The following ROBO2 variants were observed in gnomAD, a reference collection of about 807,000 sequenced individuals.
The protein encoded by ROBO2 is roundabout guidance receptor 2, also known as roundabout homolog 2.
Under a neutral mutation model 160.8 loss-of-function variants are expected in ROBO2, and 53 were observed. The observed-to-expected ratio is 0.33, with a 90% CI of 0.26 to 0.41. The LOEUF (loss-of-function observed/expected upper bound fraction) is 0.41. Ranked by LOEUF, ROBO2 falls within the 10% of genes least tolerant of loss-of-function variation. The pLI is 1.00. For synonymous variants in ROBO2, 664 were observed against 611.7 expected (o/e 1.09, Z -1.26); for missense variants, 1,577 against 1,722.4 (o/e 0.92, Z 1.49).
intron 2 of ROBO2, among the ~76,000 whole-genome samples, chr3:76,166,690 C>T (rs2072852350): frequency 6.6e-6 from 1 of 151,976 alleles, no homozygotes; most frequent in South Asian, 2.1e-4. Context: ...AAAAAAATCC[C>T]AGCATAATAT....
chr3:76,478,680 GTTTT>G (rs1042265916), intron 2 of ROBO2, among the ~76,000 whole-genome samples: 1 of 120,920 alleles, frequency 8.3e-6, no homozygotes, highest in Non-Finnish European at 1.7e-5. Context: ...TTTTTTCTCT[GTTTT>G]TTTTTTTTTT....
At chr3:76,089,897 A>G (rs746678339) in intron 2 of ROBO2, among the ~76,000 whole-genome samples, 3 of 152,188 alleles carry the variant, frequency 2.0e-5, no homozygotes, top group Non-Finnish European at 4.4e-5. Flanking sequence ...CCTTGTTTGC[A>G]GATGACATGA....
rs1417624157 is a variant in ROBO2 at position 77,261,254 on chromosome 3, TGG to T, written c.388+162917_388+162918del. Among the ~76,000 whole-genome samples the T allele has an allele frequency of 8.5e-4, 129 of 152,218 alleles. 2 individuals are homozygous for T. The highest frequency in any genetic ancestry group is 6.8e-3 in the Middle Eastern group (2 of 294). On this transcript the variant is annotated intron_variant, in intron 2 of 25. Transcript: ENST00000461745. The stretch of plus-strand genomic sequence containing the variant: ...TGGACCAAAATGGCAAATGTGTGCC[TGG>T]GGAAGCCACAGGAGGCTCCCAGAAG...
chr3:77,583,176 G>GAAAAAAAAA (rs2093963899), intron 16 of ROBO2, among the ~76,000 whole-genome samples: 1 of 143,320 alleles, frequency 7.0e-6, no homozygotes, highest in African/African-American at 2.6e-5. Context: ...AAAAAAAAAG[G>GAAAAAAAAA]AAAAAACATT....
At chr3:76,017,750 T>C (rs1238890164) in intron 2 of ROBO2, among the ~76,000 whole-genome samples, 1 of 152,060 alleles carries the variant, frequency 6.6e-6, no homozygotes, top group African/African-American at 2.4e-5. Context: ...TTTCAAATAA[T>C]GTGGAGCAAA....
chr3:76,574,010 A>G (rs1008749445), intron 2 of ROBO2, among the ~76,000 whole-genome samples: 1 of 152,096 alleles, frequency 6.6e-6, no homozygotes, highest in Admixed American at 6.6e-5. Flanking sequence ...AATCATGGTT[A>G]TTTGTGTATG....
At chr3:77,442,949 A>G (rs931719595) in intron 2 of ROBO2, among the ~76,000 whole-genome samples, 4 of 152,146 alleles carry the variant, frequency 2.6e-5, no homozygotes, top group African/African-American at 9.7e-5. Flanking sequence ...AGTCAGTTAG[A>G]TTGCTTGCAC....
At chr3:76,845,714 C>A (rs1029657955) in intron 2 of ROBO2, among the ~76,000 whole-genome samples, 9 of 152,042 alleles carry the variant, frequency 5.9e-5, no homozygotes, top group African/African-American at 1.9e-4. Context: ...TACACATAGA[C>A]AACATTTCTC....
At chr3:76,719,363 G>A (rs545627972) in intron 2 of ROBO2, among the ~76,000 whole-genome samples, 1 of 152,000 alleles carries the variant, frequency 6.6e-6, no homozygotes, top group Non-Finnish European at 1.5e-5. Flanking sequence ...GTTAAATAGG[G>A]TGTCACTCTC....
chr3:76,264,420 C>T (rs1042710722), intron 2 of ROBO2, among the ~76,000 whole-genome samples: 1 of 151,254 alleles, frequency 6.6e-6, no homozygotes, highest in Non-Finnish European at 1.5e-5. Flanking sequence ...TATTATAGCT[C>T]CTACTTTATA....
rs1290735216 is a variant in ROBO2, at chr3:76,584,778, C to G, written c.110-513236C>G. On this transcript the variant is annotated intron_variant, in intron 2 of 26. Transcript: ENST00000487694. ...ATGTACACACCATCCACCACCTGGC[C>G]TTGATAATAATATGCTCTGTGTATA... 2.0e-5 allele frequency among the ~76,000 whole-genome samples: 3 copies of G among 152,122 alleles called. No homozygotes were observed. The East Asian group carries it at 5.8e-4, about 29-fold the overall frequency.
chr3:76,577,789 C>T (rs933891112), intron 2 of ROBO2, among the ~76,000 whole-genome samples: 1 of 152,064 alleles, frequency 6.6e-6, no homozygotes, highest in Non-Finnish European at 1.5e-5. Context: ...TAAGGGATTA[C>T]TGCCGTTATT....
intron 2 of ROBO2, among the ~76,000 whole-genome samples, chr3:76,479,268 A>G (rs2079089917): frequency 6.6e-6 from 1 of 152,176 alleles, no homozygotes; most frequent in African/African-American, 2.4e-5. Context: ...GGTTCATAAA[A>G]TATTGCCATC....
chr3:76,855,986 G>A (rs751426624), intron 2 of ROBO2, among the ~76,000 whole-genome samples: 3 of 152,108 alleles, frequency 2.0e-5, no homozygotes, highest in African/African-American at 2.4e-5. Context: ...TCCCTATGCC[G>A]AATATATGGA....
chr3:76,447,440 G>A (rs1357840005), intron 2 of ROBO2, among the ~76,000 whole-genome samples: 1 of 149,228 alleles, frequency 6.7e-6, no homozygotes, highest in Admixed American at 6.7e-5. Context: ...TTACACTGTT[G>A]GTGGGACTGT....
chr3:76,623,463 A>C (rs910587215), intron 2 of ROBO2, among the ~76,000 whole-genome samples: 2 of 152,190 alleles, frequency 1.3e-5, no homozygotes, highest in Non-Finnish European at 2.9e-5. Flanking sequence ...TACATGCTTT[A>C]TGTGCTAATA....
At chr3:76,620,683 T>C (rs933822485) in intron 2 of ROBO2, among the ~76,000 whole-genome samples, 4 of 152,204 alleles carry the variant, frequency 2.6e-5, no homozygotes, top group African/African-American at 9.6e-5. Flanking sequence ...TGTACATATC[T>C]GTATAGCTAT....
chr3:76,539,691 G>A (rs1374854626), intron 2 of ROBO2, among the ~76,000 whole-genome samples: 1 of 152,134 alleles, frequency 6.6e-6, no homozygotes, highest in East Asian at 1.9e-4. Context: ...GACAGAAAGA[G>A]GATTTGCCTA....
At chr3:77,053,403 T>C (rs1171595998) in intron 1 of ROBO2, among the ~76,000 whole-genome samples, 3 of 152,202 alleles carry the variant, frequency 2.0e-5, no homozygotes, top group African/African-American at 7.2e-5. Context: ...TTCCAAAGGC[T>C]TTACTTTCAT....
Sources: allele counts gnomAD v4.1 joint callset (sites outside exome capture counted in the v4.1 genomes callset), GRCh38; gene constraint gnomAD v4.1.1; transcripts MANE v1.5; gene names NCBI Gene and HGNC (gene_info 2026-07-23, HGNC 2026-07-21).